Variants in SNTG1 observed in about 807,000 individuals in gnomAD.
The protein encoded by SNTG1 is syntrophin gamma 1, also known as gamma-1-syntrophin.
In SNTG1, 39 loss-of-function variants were observed where a neutral mutation model predicts 74.7. That is an observed-to-expected ratio of 0.52 (90% CI 0.40 to 0.68). SNTG1 has a LOEUF of 0.68. Ranked by LOEUF, SNTG1 falls within the 30% of genes least tolerant of loss-of-function variation. SNTG1 has a pLI of 0.00. For synonymous variants in SNTG1, 254 were observed against 217.1 expected (o/e 1.17, Z -1.49); for missense variants, 685 against 609.5 (o/e 1.12, Z -1.30).
intron 1 of SNTG1, among the ~76,000 whole-genome samples, chr8:49,948,134 C>A (rs1235203843): frequency 6.6e-6 from 1 of 151,940 alleles, no homozygotes; most frequent in Non-Finnish European, 1.5e-5. Flanking sequence ...CTGTCTCAAA[C>A]AAACAAATGA....
chr8:50,327,052 G>A (rs1374683580), intron 2 of SNTG1, among the ~76,000 whole-genome samples: 4 of 152,026 alleles, frequency 2.6e-5, no homozygotes, highest in Admixed American at 2.6e-4. Context: ...TAGTGTGAGA[G>A]CATATATTGT....
chr8:50,476,847 G>GACACACACGGAC (rs1563441806), intron 8 of SNTG1, among the ~76,000 whole-genome samples: 3 of 40,838 alleles, frequency 7.3e-5, no homozygotes. Context: ...ATGAGCCTGT[G>GACACACACGGAC]ACACACACAG....
In SNTG1 at chr8:49,969,385, A is replaced by ATATTTTTT. The variant is rs1811434626; in HGVS notation, c.-103+57155_-103+57156insATTTTTTT. 1.7e-5 allele frequency among the ~76,000 whole-genome samples: 2 copies of ATATTTTTT among 116,628 alleles called. 1 individual carries two copies. The allele number at this position is 116,628 out of a possible 152,430, so 76.5% of individuals were successfully genotyped here. A position where few individuals can be genotyped will look rare whatever the true frequency, so the allele number is the denominator to read the frequency against. On this transcript the variant is annotated intron_variant, in intron 1 of 18. Transcript: ENST00000642720. Reference sequence around the variant, plus strand: ...GCAAATACACATTTTAATTCATTTAATCTTTTTTTTTTTTTTTTTTTTTTT... The same window carrying ATATTTTTT: ...GCAAATACACATTTTAATTCATTTAATATTTTTTTCTTTTTTTTTTTTTTTTTTTTTTT...
chr8:50,425,151 A>G (rs2131485616), intron 4 of SNTG1, among the ~76,000 whole-genome samples: 1 of 152,294 alleles, frequency 6.6e-6, no homozygotes, highest in East Asian at 1.9e-4. Flanking sequence ...GTGAAAGCTA[A>G]GTGGAGATAA....
intron 13 of SNTG1, among the ~76,000 whole-genome samples, chr8:50,616,880 C>T (rs1314645459): frequency 6.6e-6 from 1 of 152,200 alleles, no homozygotes; most frequent in African/African-American, 2.4e-5. Flanking sequence ...CTTCCTCCGT[C>T]ACGCAAGCCC....
At chr8:50,716,978 C>T (rs966780213) in intron 17 of SNTG1, among the ~76,000 whole-genome samples, 2 of 152,044 alleles carry the variant, frequency 1.3e-5, no homozygotes, top group Non-Finnish European at 1.5e-5. Context: ...CCTCGTGATC[C>T]GCCTGCCTCA....
intron 11 of SNTG1, among the ~76,000 whole-genome samples, chr8:50,546,081 C>T (rs567692515): frequency 1.8e-4 from 27 of 151,890 alleles, no homozygotes; most frequent in Non-Finnish European, 1.3e-4. Context: ...AATACTATCA[C>T]GTAAGGATGT....
At chr8:50,741,534 C>T (rs560602801) in intron 17 of SNTG1, among the ~76,000 whole-genome samples, 1 of 152,144 alleles carries the variant, frequency 6.6e-6, no homozygotes, top group African/African-American at 2.4e-5. Flanking sequence ...GGTATTTACT[C>T]AAAGTATCTA....
At chr8:50,496,151 A>G (rs1480872237) in intron 8 of SNTG1, among the ~76,000 whole-genome samples, 1 of 152,196 alleles carries the variant, frequency 6.6e-6, no homozygotes, top group Non-Finnish European at 1.5e-5. Flanking sequence ...TTCAGATAGG[A>G]TCCAGAATAA....
chr8:50,527,390 T>G (rs2130269812), intron 9 of SNTG1, among the ~76,000 whole-genome samples: 1 of 152,212 alleles, frequency 6.6e-6, no homozygotes, highest in Non-Finnish European at 1.5e-5. Context: ...TACCCCAAGG[T>G]TGCAAAGATA....
At chr8:50,745,192 A>G (rs112701665) in intron 17 of SNTG1, among the ~76,000 whole-genome samples, 89 of 152,134 alleles carry the variant, frequency 5.9e-4, no homozygotes, top group African/African-American at 2.0e-3. Flanking sequence ...AAATGCTTAT[A>G]CAACTCAGTA....
intron 2 of SNTG1, among the ~76,000 whole-genome samples, chr8:50,206,645 A>G (rs923928485): frequency 1.3e-5 from 2 of 152,270 alleles, no homozygotes; most frequent in Admixed American, 1.3e-4. Context: ...GTCTTGTGCC[A>G]GTTTTCAAAG....
chr8:50,443,408 G>T (rs1201537543), intron 5 of SNTG1, among the ~76,000 whole-genome samples: 1 of 152,062 alleles, frequency 6.6e-6, no homozygotes. Flanking sequence ...ATAAATGTAT[G>T]CAATCAAAGG....
chr8:50,300,227 A>G (rs2089588155), intron 2 of SNTG1, among the ~76,000 whole-genome samples: 2 of 152,152 alleles, frequency 1.3e-5, no homozygotes, highest in Admixed American at 1.3e-4. Context: ...AAACAGTTGT[A>G]GTATGCAAGC....
At position 50,218,248 on chromosome 8, in the gene SNTG1, A is replaced by T. The variant is rs191772895; in HGVS notation, c.-28+45613A>T. ...ACTGAGCATAGGGATGGTTGTAGAA[A>T]ATTACACAATTGAGGCCTGAATGCA... On this transcript the variant is annotated intron_variant, in intron 2 of 18. Coordinates refer to ENST00000642720, the MANE Select transcript of SNTG1 (RefSeq NM_018967.5). 2.6e-5 allele frequency among the ~76,000 whole-genome samples: 4 copies of T among 152,314 alleles called. No homozygotes were observed. In the East Asian group the frequency reaches 7.7e-4, roughly 29 times the overall value.
At chr8:50,456,159 G>A (rs142704952) in intron 8 of SNTG1, among the ~76,000 whole-genome samples, 34 of 152,148 alleles carry the variant, frequency 2.2e-4, no homozygotes, top group African/African-American at 6.7e-4. Flanking sequence ...CCACATGTCC[G>A]TCCCCTGTAT....
rs61693841 is a variant in SNTG1, at chr8:50,614,803, G to C, written c.849+23886G>C. On this transcript the variant is annotated intron_variant, in intron 13 of 18. Transcript: ENST00000642720. ...TAAAATAATTCATTTTGTTCCATTA[G>C]CAAAACCATGAATGCATTATACATA... Among the ~76,000 whole-genome samples, 826 of 152,016 alleles carry C rather than the reference G, an allele frequency of 5.4e-3. 7 individuals carry two copies. Among genetic ancestry groups the C allele is most frequent in the African/African-American group, 0.019 (773 of 41,476 alleles).
At chr8:50,101,303 G>A (rs2080116077) in intron 1 of SNTG1, among the ~76,000 whole-genome samples, 1 of 152,022 alleles carries the variant, frequency 6.6e-6, no homozygotes, top group South Asian at 2.1e-4. Flanking sequence ...GTCAGTAATA[G>A]GATTGTTGGG....
intron 1 of SNTG1, among the ~76,000 whole-genome samples, chr8:50,033,379 C>T (rs186604197): frequency 2.0e-5 from 3 of 152,194 alleles, no homozygotes; most frequent in African/African-American, 7.2e-5. Flanking sequence ...CTGCCTTGGC[C>T]TCCGAAAGTT....
Sources: allele counts gnomAD v4.1 joint callset (sites outside exome capture counted in the v4.1 genomes callset), GRCh38; gene constraint gnomAD v4.1.1; transcripts MANE v1.5; gene names NCBI Gene and HGNC (gene_info 2026-07-23, HGNC 2026-07-21).